GMDS: variants seen among roughly 807,000 people sequenced by gnomAD.
The protein encoded by GMDS is GDP-mannose 4,6 dehydratase.
A neutral mutation model predicts 49.9 loss-of-function variants in GMDS; 20 were observed. The observed-to-expected ratio is 0.40, with a 90% CI of 0.28 to 0.58. GMDS has a LOEUF of 0.58. Among genes scored for constraint, GMDS ranks in the 20% least tolerant of loss-of-function variants. The probability of loss-of-function intolerance (pLI) is 0.42; values close to 1 mark genes in which losing one functional copy is unlikely to be tolerated. For synonymous variants in GMDS, 177 were observed against 178.6 expected, an observed-to-expected ratio of 0.99 and a Z score of 0.07; for missense variants, 362 against 481.4, an observed-to-expected ratio of 0.75 and a Z score of 2.32.
At chr6:1,831,616 C>T (rs1756648270) in intron 7 of GMDS, among the ~76,000 whole-genome samples, 1 of 152,190 alleles carries the variant, frequency 6.6e-6, no homozygotes, top group African/African-American at 2.4e-5. Flanking sequence ...TTTATTCCAG[C>T]TTTCTGAGGA....
At chr6:1,983,204 C>T (rs1016274252) in intron 4 of GMDS, among the ~76,000 whole-genome samples, 16 of 152,128 alleles carry the variant, frequency 1.1e-4, no homozygotes, top group African/African-American at 3.9e-4. Flanking sequence ...GGATTCCTTC[C>T]TTACACCATA....
chr6:1,763,548 A>G (rs903293911), intron 7 of GMDS, among the ~76,000 whole-genome samples: 4 of 152,220 alleles, frequency 2.6e-5, no homozygotes, highest in Admixed American at 2.6e-4. Flanking sequence ...GTGAGAATGA[A>G]CATGATGGAT....
Position 1,840,643 on chromosome 6 carries a change from C to T in GMDS, c.771+89460G>A, listed in dbSNP as rs150966284. Among the ~76,000 whole-genome samples the T allele has an allele frequency of 4.4e-3, 672 of 152,304 alleles. 1 individual carries two copies. Among genetic ancestry groups the T allele is most frequent in the Middle Eastern group, 0.01 (3 of 294 alleles). ...AGGGCCAGATGCTCGTTTTTGGCTA[C>T]TCTAAGAAACCAAAGTGTGGGTCAG... On this transcript the variant is annotated intron_variant, in intron 7 of 10. Transcript: ENST00000380815.
intron 1 of GMDS, among the ~76,000 whole-genome samples, chr6:2,150,241 G>C (rs1245333731): frequency 5.3e-5 from 8 of 152,004 alleles, no homozygotes; most frequent in Non-Finnish European, 4.4e-5. Flanking sequence ...TTCTGATCAA[G>C]GTGAAATAAA....
intron 6 of GMDS, among the ~76,000 whole-genome samples, chr6:1,953,674 A>G (rs1273769864): frequency 6.6e-6 from 1 of 152,240 alleles, no homozygotes; most frequent in African/African-American, 2.4e-5. Flanking sequence ...AATGTAATAA[A>G]CAGTCAAAAC....
intron 7 of GMDS, among the ~76,000 whole-genome samples, chr6:1,845,387 C>T: frequency 6.6e-6 from 1 of 152,016 alleles, no homozygotes; most frequent in African/African-American, 2.4e-5. Flanking sequence ...CAGTGATGAG[C>T]ATATATATAT....
At chr6:1,995,064 C>T (rs1766193242) in intron 4 of GMDS, among the ~76,000 whole-genome samples, 1 of 152,222 alleles carries the variant, frequency 6.6e-6, no homozygotes, top group South Asian at 2.1e-4. Flanking sequence ...TATACGAAGG[C>T]ACCTTACAAA....
At chr6:2,111,816 A>G (rs1774559759) in intron 4 of GMDS, among the ~76,000 whole-genome samples, 1 of 152,276 alleles carries the variant, frequency 6.6e-6, no homozygotes, top group African/African-American at 2.4e-5. Context: ...AATACAATAA[A>G]TTCTACAAAG....
At chr6:1,817,192 A>C (rs1163152201) in intron 7 of GMDS, among the ~76,000 whole-genome samples, 1 of 151,760 alleles carries the variant, frequency 6.6e-6, no homozygotes, top group African/African-American at 2.4e-5. Flanking sequence ...TTCCTGTTCT[A>C]ATACAAATGG....
At chr6:2,032,787 G>A (rs190355936) in intron 4 of GMDS, among the ~76,000 whole-genome samples, 3 of 152,192 alleles carry the variant, frequency 2.0e-5, no homozygotes, top group Admixed American at 1.3e-4. Context: ...TAGCTAAAAC[G>A]TCTTCCAGAA....
At chr6:1,633,486 G>A (rs189970499) in intron 9 of GMDS, among the ~76,000 whole-genome samples, 1 of 152,308 alleles carries the variant, frequency 6.6e-6, no homozygotes, top group East Asian at 1.9e-4. Context: ...GCGGAGACCT[G>A]AGTTTCGGCT....
intron 9 of GMDS, among the ~76,000 whole-genome samples, chr6:1,631,495 C>A (rs549548051): frequency 2.6e-5 from 4 of 152,086 alleles, no homozygotes; most frequent in African/African-American, 7.2e-5. Context: ...TTAGAAATGT[C>A]CCCCCCTCCG....
At chr6:2,105,825 A>G (rs1774212312) in intron 4 of GMDS, among the ~76,000 whole-genome samples, 1 of 152,234 alleles carries the variant, frequency 6.6e-6, no homozygotes, top group Non-Finnish European at 1.5e-5. Context: ...CCTCTTCTCT[A>G]TCAGCTCCCA....
intron 9 of GMDS, among the ~76,000 whole-genome samples, chr6:1,704,705 T>C (rs370843899): frequency 6.6e-6 from 1 of 152,100 alleles, no homozygotes; most frequent in African/African-American, 2.4e-5. Flanking sequence ...TGAACTTCCG[T>C]TGTTGTGGGT....
chr6:2,003,007 T>C (rs964416986), intron 4 of GMDS, among the ~76,000 whole-genome samples: 16 of 152,106 alleles, frequency 1.1e-4, no homozygotes, highest in African/African-American at 3.9e-4. Context: ...ACATTTAACA[T>C]GAAGAATCCC....
chr6:1,685,478 G>A (rs940606750), intron 9 of GMDS, among the ~76,000 whole-genome samples: 120 of 152,152 alleles, frequency 7.9e-4, no homozygotes, highest in African/African-American at 2.8e-3. Flanking sequence ...AGCGACTTTA[G>A]TAAGGGTTTT....
intron 8 of GMDS, among the ~76,000 whole-genome samples, chr6:1,738,523 TA>T (rs1767137509): frequency 1.3e-5 from 2 of 152,248 alleles, no homozygotes; most frequent in Admixed American, 1.3e-4. Context: ...GGATAAATTT[TA>T]AAAACGATAA....
chr6:1,894,532 C>T (rs577806526), intron 7 of GMDS, among the ~76,000 whole-genome samples: 187 of 152,184 alleles, frequency 1.2e-3, no homozygotes, highest in Non-Finnish European at 2.2e-3. Context: ...CTGTTTAGTG[C>T]TTTCTTTACA....
At chr6:2,102,334 T>C (rs1041661580) in intron 4 of GMDS, among the ~76,000 whole-genome samples, 1 of 152,252 alleles carries the variant, frequency 6.6e-6, no homozygotes, top group East Asian at 1.9e-4. Flanking sequence ...AAAATATTTA[T>C]AAAATATTGT....
Sources: allele counts gnomAD v4.1 joint callset (sites outside exome capture counted in the v4.1 genomes callset), GRCh38; gene constraint gnomAD v4.1.1; transcripts MANE v1.5; gene names NCBI Gene and HGNC (gene_info 2026-07-23, HGNC 2026-07-21).